ZSCAN25: variants seen among roughly 807,000 people sequenced by gnomAD.
ZSCAN25 encodes zinc finger and SCAN domain-containing protein 25.
ZSCAN25 carries 27 observed loss-of-function variants against 38.7 expected under a neutral mutation model. That is an observed-to-expected ratio of 0.70 (90% CI 0.51 to 0.96). The LOEUF is 0.96. ZSCAN25 is among the 40% of genes least tolerant of loss of function. The pLI, the probability that ZSCAN25 is intolerant of heterozygous loss-of-function variation, is 0.00. For synonymous variants in ZSCAN25, 273 were observed against 277.7 expected, an observed-to-expected ratio of 0.98 and a Z score of 0.17; for missense variants, 637 against 705.9, an observed-to-expected ratio of 0.90 and a Z score of 1.11.
chr7:99,723,818 G>A, the ZSCAN25 span, among the ~76,000 whole-genome samples: 115,889 of 152,074 alleles, frequency 0.76, 47,128 homozygotes, highest in Non-Finnish European at 0.91. Flanking sequence ...TGGTAGAGAC[G>A]GAGGAGATAC....
the ZSCAN25 span, among the ~76,000 whole-genome samples, chr7:99,722,082 T>C: frequency 6.6e-6 from 1 of 152,210 alleles, no homozygotes; most frequent in Non-Finnish European, 1.5e-5. Flanking sequence ...TTTACCTCCC[T>C]GAATTTGCAC....
chr7:99,705,703 A>G, the ZSCAN25 span: 1 of 1,358,990 alleles, frequency 7.4e-7, no homozygotes. Flanking sequence ...GTAAACATAT[A>G]AAAACTACTT....
chr7:99,673,822 C>T, the ZSCAN25 span, among the ~76,000 whole-genome samples: 2 of 152,178 alleles, frequency 1.3e-5, no homozygotes, highest in Non-Finnish European at 2.9e-5. Context: ...GGGGAATAGG[C>T]AGACACTGGA....
At chr7:99,669,092 C>T in the ZSCAN25 span, among the ~76,000 whole-genome samples, 61 of 152,126 alleles carry the variant, frequency 4.0e-4, no homozygotes, top group African/African-American at 1.5e-3. Flanking sequence ...CTTTTAATTC[C>T]AGAATGGCTT....
the ZSCAN25 span, among the ~76,000 whole-genome samples, chr7:99,655,413 G>C: frequency 4.7e-4 from 71 of 152,190 alleles, no homozygotes; most frequent in African/African-American, 1.6e-3. Context: ...CTTTCTCAGG[G>C]CTCTGTTCTG....
At chr7:99,677,140 C>T in the ZSCAN25 span, 1 of 980,604 alleles carries the variant, frequency 1.0e-6, no homozygotes, top group Non-Finnish European at 1.2e-6. Context: ...GCAGGCCTGC[C>T]TGGAACTCAT....
chr7:99,697,005 AG>A, the ZSCAN25 span, among the ~76,000 whole-genome samples: 11 of 152,170 alleles, frequency 7.2e-5, no homozygotes, highest in Non-Finnish European at 1.5e-4. Context: ...GGCTCCCTAG[AG>A]GCAGAAGTCG....
At chr7:99,709,022 AG>A in the ZSCAN25 span, 1 of 1,613,822 alleles carries the variant, frequency 6.2e-7, no homozygotes, top group Admixed American at 1.7e-5. Context: ...CTCCCTTCCC[AG>A]GGGCCTCCTA....
the ZSCAN25 span, chr7:99,652,698 C>T: frequency 1.9e-6 from 3 of 1,614,112 alleles, no homozygotes; most frequent in Non-Finnish European, 2.5e-6. Flanking sequence ...AGTCTAATAG[C>T]AACTGGGAAT....
At chr7:99,642,842 T>C in the ZSCAN25 span, among the ~76,000 whole-genome samples, 1 of 152,238 alleles carries the variant, frequency 6.6e-6, no homozygotes, top group Non-Finnish European at 1.5e-5. Flanking sequence ...TGGTGCTTGG[T>C]ACATACTAGT....
chr7:99,690,566 C>G, the ZSCAN25 span, among the ~76,000 whole-genome samples: 1 of 152,102 alleles, frequency 6.6e-6, no homozygotes, highest in Non-Finnish European at 1.5e-5. Context: ...GGGCTAATAT[C>G]CAGAATCTAC....
rs767150601 is a variant in ZSCAN25 at position 99,631,889 on chromosome 7, C to T, written c.*1869C>T. On this transcript the variant is annotated 3_prime_UTR_variant, in exon 8 of 8. Coordinates refer to ENST00000394152, the MANE Select transcript of ZSCAN25 (RefSeq NM_145115.3). ...TAATACTGAGGTCCACATGCAAAAT[C>T]AGCTTTTTTTCCCCCGTAATTATCA... The T allele has an allele frequency of 4.2e-5, 41 of 985,384 alleles. No individual in the cohort carries two copies. The highest frequency in any genetic ancestry group is 6.2e-5 in the Admixed American group (1 of 16,258). The allele number at this position is 985,384 out of a possible 1,614,324, so 61.0% of individuals were successfully genotyped here. A position where few individuals can be genotyped will look rare whatever the true frequency, so the allele number is the denominator to read the frequency against.
the ZSCAN25 span, chr7:99,713,335 TAACATCC>T: frequency 7.2e-7 from 1 of 1,393,540 alleles, no homozygotes; most frequent in Admixed American, 1.9e-5. Context: ...GCTACCATTT[TAACATCC>T]AAACCTGTGT....
chr7:99,638,848 A>G, the ZSCAN25 span: 1 of 647,732 alleles, frequency 1.5e-6, no homozygotes, highest in Non-Finnish European at 2.8e-6. Context: ...GCGAAACTGA[A>G]ACGAAGGCTC....
chr7:99,689,970 A>G, the ZSCAN25 span, among the ~76,000 whole-genome samples: 1 of 152,242 alleles, frequency 6.6e-6, no homozygotes. Context: ...ATATGGAACC[A>G]GAAAAGAGCC....
downstream of ZSCAN25, among the ~76,000 whole-genome samples, chr7:99,632,996 T>TG (rs1808115960): frequency 1.3e-5 from 2 of 150,464 alleles, no homozygotes; most frequent in African/African-American, 4.9e-5. Context: ...GTTGTTTTTT[T>TG]TTTTTTTGAG....
chr7:99,640,759 A>G, the ZSCAN25 span, among the ~76,000 whole-genome samples: 1 of 152,322 alleles, frequency 6.6e-6, no homozygotes, highest in Non-Finnish European at 1.5e-5. Context: ...AAAAAACTCC[A>G]TAAAAATTGG....
chr7:99,702,282 G>A, the ZSCAN25 span, among the ~76,000 whole-genome samples: 2 of 151,870 alleles, frequency 1.3e-5, no homozygotes, highest in South Asian at 4.2e-4. Flanking sequence ...GTAGAGATAG[G>A]GTTTCACCTT....
the ZSCAN25 span, among the ~76,000 whole-genome samples, chr7:99,661,101 A>C: frequency 6.6e-6 from 1 of 152,200 alleles, no homozygotes; most frequent in Non-Finnish European, 1.5e-5. Flanking sequence ...TAGCTTGACA[A>C]ACTTTGAGAG....
Sources: gnomAD v4.1 joint callset for allele counts (sites outside exome capture counted in the v4.1 genomes callset) on GRCh38, gnomAD v4.1.1 for gene constraint, MANE v1.5 for transcripts, NCBI Gene and HGNC (gene_info 2026-07-23, HGNC 2026-07-21) for gene names.